The following HELZ variants were observed in gnomAD, a reference collection of about 807,000 sequenced individuals.
The protein encoded by HELZ is helicase with zinc finger.
Under a neutral mutation model 218.2 loss-of-function variants are expected in HELZ, and 23 were observed. That is an observed-to-expected ratio of 0.11 (90% confidence interval 0.08 to 0.15). The LOEUF (loss-of-function observed/expected upper bound fraction) is 0.15, where lower values mean the gene tolerates loss of function less well. Among genes scored for constraint, HELZ ranks in the 10% least tolerant of loss-of-function variants. The pLI is 1.00. For missense variants in HELZ, 1,813 were observed against 2,353.7 expected (o/e 0.77, Z 4.75); for synonymous variants, 814 against 829.4 (o/e 0.98, Z 0.32).
intron 28 of HELZ, 103 bp downstream of exon 28, chr17:67,114,221 G>A: frequency 2.6e-6 from 2 of 763,136 alleles, no homozygotes; most frequent in Non-Finnish European, 4.7e-6. Context: ...TAAACATAAA[G>A]GATAAGTGTA....
chr17:67,231,595 A>G (rs1421918000), intron 3 of HELZ, among the ~76,000 whole-genome samples: 3 of 151,050 alleles, frequency 2.0e-5, no homozygotes, highest in Admixed American at 6.6e-5. Context: ...TCTGTCGGAA[A>G]AAAAAAAAAA....
intron 3 of HELZ, among the ~76,000 whole-genome samples, chr17:67,228,291 T>C (rs8064975): frequency 0.078 from 11,813 of 152,266 alleles, 1,523 homozygotes; most frequent in African/African-American, 0.26. Context: ...CAAAAATTTG[T>C]ATCAGAAGAA....
At chr17:67,202,498 G>A (rs944606224) in intron 6 of HELZ, among the ~76,000 whole-genome samples, 2 of 152,014 alleles carry the variant, frequency 1.3e-5, no homozygotes, top group African/African-American at 2.4e-5. Context: ...GCAAGACTCC[G>A]TAACTTAAAA....
At chr17:67,115,198 T>C (rs554934976) in intron 27 of HELZ, among the ~76,000 whole-genome samples, 15 of 152,044 alleles carry the variant, frequency 9.9e-5, no homozygotes, top group East Asian at 5.8e-4. Flanking sequence ...ACCAGCAGAA[T>C]AGACATTACA....
chr17:67,178,901 T>C lies in HELZ; in HGVS notation c.1188A>G (p.Lys396=). ...GTTTAGCTGTGGTTACTAGCTGCTGTTTTGCATGCATCAGGTATTCGAGAT... is the reference window on the plus strand; with the variant it reads ...GTTTAGCTGTGGTTACTAGCTGCTGCTTTGCATGCATCAGGTATTCGAGAT... ...TEDLEYLMHA[K]QQLVTTAKRW... is the part of the protein sequence containing the mutation. Residue 396 remains lysine (K), a synonymous_variant, in exon 13 of 33, where the codon AAA becomes AAG. Coordinates refer to ENST00000358691, the MANE Select transcript of HELZ (RefSeq NM_014877.4). The C allele has an allele frequency of 6.2e-7, 1 of 1,609,770 alleles. No homozygotes were observed. Among genetic ancestry groups the C allele is most frequent in the Non-Finnish European group, 8.5e-7 (1 of 1,176,972 alleles).
chr17:67,113,796 G>T (rs1255827502), intron 28 of HELZ, among the ~76,000 whole-genome samples: 1 of 152,194 alleles, frequency 6.6e-6, no homozygotes, highest in African/African-American at 2.4e-5. Flanking sequence ...GAAATGCAGG[G>T]GAGCCCTGAT....
In HELZ at chr17:67,160,305, T is replaced by A; in HGVS notation, c.2133A>T (p.Leu711Phe). The change falls in exon 17 of 33, where the codon TTA becomes TTT. Residue 711 changes from leucine to phenylalanine, a missense_variant. Around this residue, in one of 4 missense-constraint regions of HELZ, gnomAD observed 714 missense variants for 1,029.2 expected, o/e 0.69. Transcript: ENST00000358691. ...GATTGCCTGCTTCTACATATGGATG[T>A]AAATAATCCTTTATGTAGAGATCAG... Reference protein sequence around the residue: ...SAADLYIKDYLHPYVEAGNPQ... With the variant: ...SAADLYIKDYFHPYVEAGNPQ... 1.2e-6 allele frequency: 2 copies of A among 1,612,796 alleles called. 1 individual carries two copies. The highest frequency in any genetic ancestry group is 2.2e-5 in the South Asian group (2 of 91,054).
chr17:67,110,697 G>C (rs771001606), intron 28 of HELZ, among the ~76,000 whole-genome samples: 1 of 152,102 alleles, frequency 6.6e-6, no homozygotes, highest in Non-Finnish European at 1.5e-5. Flanking sequence ...TGTAAATAAG[G>C]TTTTCTTGGA....
At chr17:67,085,294 T>C (rs1005697977) in intron 32 of HELZ, among the ~76,000 whole-genome samples, 2 of 151,958 alleles carry the variant, frequency 1.3e-5, no homozygotes, top group African/African-American at 4.8e-5. Flanking sequence ...TAGTGGCACA[T>C]GCCTATAGTC....
At chr17:67,233,128 C>T (rs921374306) in intron 3 of HELZ, among the ~76,000 whole-genome samples, 2 of 151,842 alleles carry the variant, frequency 1.3e-5, no homozygotes, top group African/African-American at 4.8e-5. Flanking sequence ...AGCGAGACTC[C>T]GTCTCAAAAA....
At chr17:67,163,134 G>C (rs1489218974) in intron 15 of HELZ, among the ~76,000 whole-genome samples, 1 of 152,166 alleles carries the variant, frequency 6.6e-6, no homozygotes, top group East Asian at 1.9e-4. Context: ...TACATGTAAA[G>C]CTGTTTAGAA....
chr17:67,230,393 GGA>G (rs1262466241), intron 3 of HELZ, among the ~76,000 whole-genome samples: 2 of 151,884 alleles, frequency 1.3e-5, no homozygotes, highest in African/African-American at 4.8e-5. Context: ...GTCAAGAGAT[GGA>G]GACCATCCTG....
intron 31 of HELZ, among the ~76,000 whole-genome samples, chr17:67,093,659 C>G (rs1375439714): frequency 1.3e-5 from 2 of 152,118 alleles, no homozygotes; most frequent in Admixed American, 1.3e-4. Flanking sequence ...CTAATCATAA[C>G]CTATCCATCA....
At chr17:67,131,876 A>G (rs2143911926) in intron 23 of HELZ, among the ~76,000 whole-genome samples, 1 of 152,236 alleles carries the variant, frequency 6.6e-6, no homozygotes, top group East Asian at 1.9e-4. Context: ...CCAATACCTT[A>G]CCAAACTACT....
intron 5 of HELZ, 167 bp downstream of exon 5, chr17:67,215,732 C>T (rs376847335): frequency 7.7e-6 from 5 of 645,258 alleles, no homozygotes; most frequent in East Asian, 2.8e-5. Flanking sequence ...GCAATGTTCA[C>T]AGGTATGCCC....
rs373479961 is a variant in HELZ, at chr17:67,114,428, A to C, written c.3839-25T>G. ...CCTAAGAAAATATTTAAAAATCCTT[A>C]TAAGTTTTCTCCAGTGGATATGACA... is the stretch of plus-strand genomic sequence containing the variant. On this transcript the variant is annotated intron_variant, in intron 27 of 32. Coordinates refer to ENST00000358691, the MANE Select transcript of HELZ (RefSeq NM_014877.4). 3.5e-6 allele frequency: 5 copies of C among 1,420,298 alleles called. No individual in the cohort carries two copies. In the African/African-American group the frequency reaches 4.2e-5, roughly 12 times the overall value. 88.0% of individuals were successfully genotyped at this position (1,420,298 alleles called of 1,614,324 possible). A position where few individuals can be genotyped will look rare whatever the true frequency, so the allele number is the denominator to read the frequency against.
At chr17:67,196,636 G>T (rs575377747) in intron 7 of HELZ, among the ~76,000 whole-genome samples, 1 of 150,492 alleles carries the variant, frequency 6.6e-6, no homozygotes, top group Admixed American at 6.6e-5. Context: ...GAACATGGGT[G>T]GGTGGATGGG....
At chr17:67,170,189 G>C (rs1450876995) in intron 13 of HELZ, among the ~76,000 whole-genome samples, 1 of 152,144 alleles carries the variant, frequency 6.6e-6, no homozygotes, top group Admixed American at 6.5e-5. Flanking sequence ...TCAGGATCTA[G>C]CCCACTCCCA....
chr17:67,100,112 C>T (rs905992015), intron 31 of HELZ, among the ~76,000 whole-genome samples: 7 of 152,066 alleles, frequency 4.6e-5, no homozygotes, highest in African/African-American at 1.7e-4. Context: ...CAATAATCAA[C>T]CAAGATTATA....
Sources: gnomAD v4.1 joint callset for allele counts (sites outside exome capture counted in the v4.1 genomes callset) on GRCh38, gnomAD v4.1.1 for gene constraint, gnomAD v4.1.1 regional missense constraint, MANE v1.5 for transcripts, NCBI Gene and HGNC (gene_info 2026-07-23, HGNC 2026-07-21) for gene names.